Variants in PITPNC1 observed in about 807,000 individuals in gnomAD.
PITPNC1 encodes phosphatidylinositol transfer protein cytoplasmic 1.
A neutral mutation model predicts 44.7 loss-of-function variants in PITPNC1; 18 were observed. That is an observed-to-expected ratio of 0.40 (90% CI 0.28 to 0.60). The LOEUF (loss-of-function observed/expected upper bound fraction) is 0.60. Among genes scored for constraint, PITPNC1 ranks in the 20% least tolerant of loss-of-function variants. The probability of loss-of-function intolerance (pLI) is 0.39; values close to 1 mark genes in which losing one functional copy is unlikely to be tolerated. For missense variants in PITPNC1, 290 were observed against 418.4 expected (o/e 0.69, Z 2.68); for synonymous variants, 141 against 149.6 (o/e 0.94, Z 0.42).
chr17:67,529,234 G>C lies in PITPNC1; in HGVS notation c.49-3568G>C, dbSNP rs575450771. On this transcript the variant is annotated intron_variant, in intron 1 of 8. Coordinates refer to ENST00000581322, the MANE Select transcript of PITPNC1 (RefSeq NM_012417.4). ...CATCTCCACTGAGCAGGAAGCACTC[G>C]AGCTGAGCCCAGCCAGGGCTGACTG... Among the ~76,000 whole-genome samples the C allele has an allele frequency of 5.9e-5, 9 of 152,300 alleles. No homozygotes were observed. The South Asian group carries it at 1.9e-3, about 32-fold the overall frequency.
chr17:67,482,867 G>GGT (rs2039722530), intron 1 of PITPNC1, among the ~76,000 whole-genome samples: 1 of 152,174 alleles, frequency 6.6e-6, no homozygotes, highest in Non-Finnish European at 1.5e-5. Flanking sequence ...TGACAGATGA[G>GGT]GTACTGCAAT....
chr17:67,433,491 C>G (rs998370736), intron 1 of PITPNC1, among the ~76,000 whole-genome samples: 1 of 152,156 alleles, frequency 6.6e-6, no homozygotes, highest in Non-Finnish European at 1.5e-5. Flanking sequence ...GAAATCCCAG[C>G]ACTTTAGGAG....
At chr17:67,395,304 C>A (rs2038201785) in intron 1 of PITPNC1, among the ~76,000 whole-genome samples, 1 of 151,970 alleles carries the variant, frequency 6.6e-6, no homozygotes, top group Non-Finnish European at 1.5e-5. Context: ...CCATGTCTGG[C>A]TAATTTTTTT....
chr17:67,615,200 C>T (rs116634373), intron 5 of PITPNC1, among the ~76,000 whole-genome samples: 140 of 152,330 alleles, frequency 9.2e-4, no homozygotes, highest in African/African-American at 3.1e-3. Flanking sequence ...CACATAGATG[C>T]GAAAACCAAA....
At chr17:67,396,433 G>A (rs976942600) in intron 1 of PITPNC1, among the ~76,000 whole-genome samples, 9 of 151,644 alleles carry the variant, frequency 5.9e-5, no homozygotes, top group Admixed American at 1.3e-4. Context: ...GTGCAGTGGC[G>A]TGATCTCAGC....
chr17:67,627,712 G>A (rs892554334), intron 5 of PITPNC1, among the ~76,000 whole-genome samples: 1 of 152,154 alleles, frequency 6.6e-6, no homozygotes, highest in Non-Finnish European at 1.5e-5. Flanking sequence ...AATCATGGAA[G>A]GACCTGGTGA....
At chr17:67,517,107 G>C (rs1232242737) in intron 1 of PITPNC1, among the ~76,000 whole-genome samples, 1 of 152,180 alleles carries the variant, frequency 6.6e-6, no homozygotes, top group Non-Finnish European at 1.5e-5. Flanking sequence ...TGTCCTTGAG[G>C]CATAATGAAA....
intron 6 of PITPNC1, among the ~76,000 whole-genome samples, chr17:67,641,990 A>G (rs2042098136): frequency 6.6e-6 from 1 of 152,042 alleles, no homozygotes; most frequent in African/African-American, 2.4e-5. Flanking sequence ...GAGTCAATGG[A>G]CATATGGGTT....
chr17:67,695,295 A>AC lies in PITPNC1; in HGVS notation c.*2410dup, dbSNP rs1423734323. ...TTCCTTTAGCTGCTTTGCATATTTA[A>AC]CCCAGTCATCAAAAGGCATAAATGA... On this transcript the variant is annotated 3_prime_UTR_variant, in exon 9 of 9. Transcript: ENST00000581322. The AC allele has an allele frequency of 6.6e-6, 1 of 152,102 alleles. No homozygotes were observed. Among genetic ancestry groups the AC allele is most frequent in the Non-Finnish European group, 1.5e-5 (1 of 68,014 alleles). 9.4% of individuals were successfully genotyped at this position (152,102 alleles called of 1,614,324 possible).
chr17:67,599,605 G>T (rs1296965472), intron 5 of PITPNC1, among the ~76,000 whole-genome samples: 1 of 152,156 alleles, frequency 6.6e-6, no homozygotes, highest in East Asian at 1.9e-4. Flanking sequence ...ATTGTCACCA[G>T]TAACAGCAAC....
chr17:67,451,232 A>G (rs917919861), intron 1 of PITPNC1, among the ~76,000 whole-genome samples: 1 of 151,932 alleles, frequency 6.6e-6, no homozygotes, highest in Non-Finnish European at 1.5e-5. Context: ...GGGTTTTGCC[A>G]TGTTGACCAG....
rs1367079016 is a variant in PITPNC1, at chr17:67,410,274, CTCTT to C, written c.48+32074_48+32077del. ...TGAGAACGTAGTATGCAATTAGTAT[CTCTT>C]TGTTTGATTTATTTTATTTTTTCAC... On this transcript the variant is annotated intron_variant, in intron 1 of 8. Transcript: ENST00000581322. Among the ~76,000 whole-genome samples, 10 of 152,162 alleles carry C rather than the reference CTCTT, an allele frequency of 6.6e-5. 1 individual carries two copies. Among genetic ancestry groups the C allele is most frequent in the African/African-American group, 2.4e-4 (10 of 41,434 alleles).
At chr17:67,501,243 C>T (rs2040025748) in intron 1 of PITPNC1, among the ~76,000 whole-genome samples, 1 of 152,102 alleles carries the variant, frequency 6.6e-6, no homozygotes, top group South Asian at 2.1e-4. Context: ...TATTTACCAT[C>T]GACTATTCCT....
chr17:67,562,485 CTA>C (rs1172133729), intron 4 of PITPNC1, among the ~76,000 whole-genome samples: 3 of 152,126 alleles, frequency 2.0e-5, no homozygotes, highest in African/African-American at 7.2e-5. Context: ...ATCCTCATCT[CTA>C]TTATTTACAT....
At chr17:67,420,435 T>C (rs950505043) in intron 1 of PITPNC1, among the ~76,000 whole-genome samples, 1 of 149,440 alleles carries the variant, frequency 6.7e-6, no homozygotes, top group East Asian at 2.0e-4. Context: ...TTCTCTTTTC[T>C]TTTCTTTCTT....
intron 5 of PITPNC1, among the ~76,000 whole-genome samples, chr17:67,581,788 C>T (rs993752177): frequency 1.3e-5 from 2 of 152,178 alleles, no homozygotes; most frequent in African/African-American, 2.4e-5. Flanking sequence ...AATCCCAGCA[C>T]TTTGGGAGGC....
intron 4 of PITPNC1, among the ~76,000 whole-genome samples, chr17:67,556,102 A>G (rs2040835760): frequency 6.6e-6 from 1 of 152,178 alleles, no homozygotes; most frequent in South Asian, 2.1e-4. Context: ...CTCTGAACTG[A>G]GCTGCCAGCA....
intron 6 of PITPNC1, among the ~76,000 whole-genome samples, chr17:67,662,813 T>A (rs913475127): frequency 6.6e-6 from 1 of 152,216 alleles, no homozygotes; most frequent in Non-Finnish European, 1.5e-5. Flanking sequence ...GGGGTACATG[T>A]GCAGAATAGT....
intron 1 of PITPNC1, among the ~76,000 whole-genome samples, chr17:67,514,691 T>C (rs1020885733): frequency 2.8e-4 from 42 of 152,086 alleles, no homozygotes; most frequent in African/African-American, 1.0e-3. Context: ...CCCAGCATGG[T>C]GGCATGTGCC....
Sources: gnomAD v4.1 joint callset for allele counts (sites outside exome capture counted in the v4.1 genomes callset) on GRCh38, gnomAD v4.1.1 for gene constraint, MANE v1.5 for transcripts, NCBI Gene and HGNC (gene_info 2026-07-23, HGNC 2026-07-21) for gene names.